The following CRYL1 variants were observed in gnomAD, a reference collection of about 807,000 sequenced individuals.
The protein encoded by CRYL1 is lambda-crystallin homolog.
In CRYL1, 29 loss-of-function variants were observed where a neutral mutation model predicts 36.6. That is an observed-to-expected ratio of 0.79 (90% confidence interval 0.59 to 1.08). The LOEUF is 1.08. Among genes scored for constraint, CRYL1 ranks in the 50% least tolerant of loss-of-function variants. The pLI is 0.00. For missense variants in CRYL1, 411 were observed against 407.9 expected (o/e 1.01, Z -0.06); for synonymous variants, 152 against 151.5 (o/e 1.00, Z -0.02).
At chr13:20,506,826 T>C (rs2033802411) in intron 2 of CRYL1, among the ~76,000 whole-genome samples, 1 of 152,206 alleles carries the variant, frequency 6.6e-6, no homozygotes, top group Admixed American at 6.5e-5. Context: ...CCATCTCCTA[T>C]TTTTATATGG....
intron 3 of CRYL1, among the ~76,000 whole-genome samples, chr13:20,451,065 T>G (rs1215005616): frequency 3.5e-4 from 26 of 73,830 alleles, no homozygotes; most frequent in South Asian, 1.7e-3. Flanking sequence ...TGTCGAGGGG[T>G]GGGGGGAGGG....
intron 5 of CRYL1, among the ~76,000 whole-genome samples, chr13:20,426,054 C>T (rs555428150): frequency 2.1e-4 from 32 of 152,166 alleles, no homozygotes; most frequent in African/African-American, 7.5e-4. Flanking sequence ...CATCCCTGCT[C>T]AGGAAATCAA....
intron 1 of CRYL1, among the ~76,000 whole-genome samples, chr13:20,512,834 G>C (rs1475981650): frequency 2.0e-5 from 3 of 152,120 alleles, no homozygotes; most frequent in Non-Finnish European, 4.4e-5. Context: ...TGGTGAGTGG[G>C]TGCAAACATA....
chr13:20,484,812 T>C (rs1364581788), intron 3 of CRYL1, among the ~76,000 whole-genome samples: 1 of 152,196 alleles, frequency 6.6e-6, no homozygotes, highest in Non-Finnish European at 1.5e-5. Context: ...TTTGGAATAA[T>C]GAACCTAAAC....
intron 1 of CRYL1, among the ~76,000 whole-genome samples, chr13:20,513,875 G>A (rs867853945): frequency 2.7e-5 from 4 of 150,472 alleles, no homozygotes; most frequent in Middle Eastern, 3.4e-3. Context: ...AGATGAGCCC[G>A]GAGCAGTTTG....
chr13:20,425,696 T>G lies in CRYL1; in HGVS notation c.633+6406A>C, dbSNP rs969972803. Among the ~76,000 whole-genome samples the G allele has an allele frequency of 1.3e-5, 2 of 152,296 alleles. No individual in the cohort carries two copies. Among genetic ancestry groups the G allele is most frequent in the Non-Finnish European group, 2.9e-5 (2 of 68,030 alleles). Reference sequence around the variant, plus strand: ...GTAGTTACAGCAGCAAATTTAAACATTTTAGGCCATCTTCCCCCTAGAACA... The same window carrying G: ...GTAGTTACAGCAGCAAATTTAAACAGTTTAGGCCATCTTCCCCCTAGAACA... On this transcript the variant is annotated intron_variant, in intron 5 of 7. Transcript: ENST00000298248. The surrounding 1 kb of genome is among the most constrained non-coding windows in gnomAD (Gnocchi z 4.4).
At chr13:20,490,554 A>G (rs946226061) in intron 2 of CRYL1, among the ~76,000 whole-genome samples, 1 of 152,116 alleles carries the variant, frequency 6.6e-6, no homozygotes. Flanking sequence ...ATGTAAATAT[A>G]CTTAATATAC....
chr13:20,407,156 TC>T (rs747344018), intron 6 of CRYL1, among the ~76,000 whole-genome samples: 11 of 151,474 alleles, frequency 7.3e-5, no homozygotes, highest in Non-Finnish European at 1.3e-4. Context: ...TTCATAATTT[TC>T]CCCATTTTTA....
At chr13:20,408,389 C>T (rs1236342781) in intron 6 of CRYL1, among the ~76,000 whole-genome samples, 3 of 152,230 alleles carry the variant, frequency 2.0e-5, no homozygotes, top group African/African-American at 7.2e-5. Context: ...TAAACATCCA[C>T]TTCCCCTGGA....
chr13:20,476,491 C>T (rs952829938), intron 3 of CRYL1, among the ~76,000 whole-genome samples: 4 of 152,144 alleles, frequency 2.6e-5, no homozygotes, highest in African/African-American at 9.7e-5. Flanking sequence ...CCCAGTGGTT[C>T]AAACAGACTT....
intron 2 of CRYL1, among the ~76,000 whole-genome samples, chr13:20,505,281 C>T (rs1400755441): frequency 7.4e-5 from 11 of 147,760 alleles, no homozygotes; most frequent in Admixed American, 7.0e-5. Flanking sequence ...TGCTTGAACC[C>T]GGGAGGCAGA....
chr13:20,484,809 T>C (rs1271878470), intron 3 of CRYL1, among the ~76,000 whole-genome samples: 1 of 152,230 alleles, frequency 6.6e-6, no homozygotes, highest in Non-Finnish European at 1.5e-5. Context: ...ATTTTTGGAA[T>C]AATGAACCTA....
chr13:20,431,727 A>G, intron 5 of CRYL1: 1 of 1,165,432 alleles, frequency 8.6e-7, no homozygotes, highest in Non-Finnish European at 1.1e-6. Flanking sequence ...TACACAAAAT[A>G]TAATTTTTTT....
intron 3 of CRYL1, among the ~76,000 whole-genome samples, chr13:20,441,657 T>C (rs910693108): frequency 1.3e-5 from 2 of 152,224 alleles, no homozygotes; most frequent in African/African-American, 4.8e-5. Flanking sequence ...AATGCTGAAG[T>C]ACTGCTAGAA....
intron 3 of CRYL1, among the ~76,000 whole-genome samples, chr13:20,465,477 A>G (rs2032913868): frequency 6.6e-6 from 1 of 152,132 alleles, no homozygotes; most frequent in South Asian, 2.1e-4. Flanking sequence ...AGTAATTTGG[A>G]GGTTAGGTTT....
In CRYL1 at chr13:20,525,715, CG is replaced by C; in HGVS notation, c.41+38del. On this transcript the variant is annotated intron_variant, in intron 1 of 7. Coordinates refer to ENST00000298248, the MANE Select transcript of CRYL1 (RefSeq NM_015974.3). This position sits in a 1 kb window ranked among gnomAD's most constrained non-coding sequence, Gnocchi z 4.3. The stretch of plus-strand genomic sequence containing the variant: ...GGGCACCACGTCCCCGGCGTCTCCC[CG>C]GGCTCCAGGGGCAGCAGCGCGGCTC... 1.5e-6 allele frequency: 2 copies of C among 1,337,062 alleles called. No homozygotes were observed. Among genetic ancestry groups the C allele is most frequent in the East Asian group, 3.2e-5 (1 of 31,410 alleles). The allele number at this position is 1,337,062 out of a possible 1,614,324, so 82.8% of individuals were successfully genotyped here.
chr13:20,525,680 C>A lies in CRYL1; in HGVS notation c.41+74G>T. On this transcript the variant is annotated intron_variant, in intron 1 of 7. Coordinates refer to ENST00000298248, the MANE Select transcript of CRYL1 (RefSeq NM_015974.3). This position sits in a 1 kb window ranked among gnomAD's most constrained non-coding sequence, Gnocchi z 4.3. ...AGCGACCCGGCGCCCACCCCGAGGGCCCCACGCGAGGGCACCACGTCCCCG... is the reference window on the plus strand; with the variant it reads ...AGCGACCCGGCGCCCACCCCGAGGGACCCACGCGAGGGCACCACGTCCCCG... 8.1e-7 allele frequency: 1 copy of A among 1,234,340 alleles called. No homozygotes were observed. Among genetic ancestry groups the A allele is most frequent in the South Asian group, 2.3e-5 (1 of 43,102 alleles). 76.5% of individuals were successfully genotyped at this position (1,234,340 alleles called of 1,614,324 possible).
At position 20,481,730 on chromosome 13, in the gene CRYL1, A is replaced by C. The variant is rs113991720; in HGVS notation, c.276+7640T>G. Among the ~76,000 whole-genome samples, 3,365 of 152,070 alleles carry C rather than the reference A, an allele frequency of 0.022. 56 individuals are homozygous for C. The highest frequency in any genetic ancestry group is 0.068 in the Middle Eastern group (20 of 294). On this transcript the variant is annotated intron_variant, in intron 3 of 7. Transcript: ENST00000298248. This position sits in a 1 kb window ranked among gnomAD's most constrained non-coding sequence, Gnocchi z 4.1. ...GTTCAAGACCAGCCTGGCCAACATG[A>C]TGAAACCCCGTCTCTACTAAAAATA...
At chr13:20,505,407 C>G (rs1210067564) in intron 2 of CRYL1, among the ~76,000 whole-genome samples, 1 of 142,792 alleles carries the variant, frequency 7.0e-6, no homozygotes, top group Non-Finnish European at 1.5e-5. Context: ...GTGGGCCAAA[C>G]TGCAAGGTGG....
Sources: allele counts gnomAD v4.1 joint callset (sites outside exome capture counted in the v4.1 genomes callset), GRCh38; gene constraint gnomAD v4.1.1; non-coding constraint Gnocchi (gnomAD v3.1); transcripts MANE v1.5; gene names NCBI Gene and HGNC (gene_info 2026-07-23, HGNC 2026-07-21).